Variants in DOCK5 observed in about 807,000 individuals in gnomAD.
The protein encoded by DOCK5 is dedicator of cytokinesis 5, also known as dedicator of cytokinesis protein 5.
DOCK5 carries 142 observed loss-of-function variants against 251.8 expected under a neutral mutation model. That is an observed-to-expected ratio of 0.56 (90% CI 0.49 to 0.65). The LOEUF is 0.65. DOCK5 is among the 30% of genes least tolerant of loss of function. DOCK5 has a pLI of 0.00. For missense variants in DOCK5, 2,111 were observed against 2,312.3 expected (o/e 0.91, Z 1.79); for synonymous variants, 842 against 835.5 (o/e 1.01, Z -0.13).
At chr8:25,285,361 G>C (rs552306376) in intron 5 of DOCK5, among the ~76,000 whole-genome samples, 46 of 152,256 alleles carry the variant, frequency 3.0e-4, no homozygotes, top group Admixed American at 6.5e-4. Context: ...GGCCAGGCTG[G>C]TCTCAAACTC....
chr8:25,249,350 T>G (rs1803206295), intron 2 of DOCK5, among the ~76,000 whole-genome samples: 1 of 152,140 alleles, frequency 6.6e-6, no homozygotes, highest in South Asian at 2.1e-4. Context: ...GAGATATAAT[T>G]CAAATACCAA....
At chr8:25,322,726 T>G (rs1805459086) in intron 16 of DOCK5, among the ~76,000 whole-genome samples, 1 of 152,240 alleles carries the variant, frequency 6.6e-6, no homozygotes, top group South Asian at 2.1e-4. Context: ...ATGGAGAGGT[T>G]AGGCACTTGC....
rs140215839 is a variant in DOCK5, at chr8:25,304,507, C to G, written c.1049+180C>G. The stretch of plus-strand genomic sequence containing the variant: ...ATTCAAAGTCCTTGATGTTGGACTC[C>G]CATTGAAGAGGGTAAACTGAACTTT... On this transcript the variant is annotated intron_variant, in intron 11 of 51. Coordinates refer to ENST00000276440, the MANE Select transcript of DOCK5 (RefSeq NM_024940.8). 2.4e-3 allele frequency: 1,276 copies of G among 534,222 alleles called. 9 individuals carry two copies. Among genetic ancestry groups the G allele is most frequent in the African/African-American group, 0.023 (1,171 of 51,046 alleles). The allele number at this position is 534,222 out of a possible 1,614,324, so 33.1% of individuals were successfully genotyped here. A position where few individuals can be genotyped will look rare whatever the true frequency, so the allele number is the denominator to read the frequency against.
intron 16 of DOCK5, among the ~76,000 whole-genome samples, chr8:25,321,363 T>A (rs1045054990): frequency 6.6e-6 from 1 of 152,010 alleles, no homozygotes; most frequent in South Asian, 2.1e-4. Flanking sequence ...GGACCAGGGG[T>A]GGGGTGATGG....
At chr8:25,381,627 CAA>C (rs771065292) in intron 39 of DOCK5, among the ~76,000 whole-genome samples, 4 of 115,734 alleles carry the variant, frequency 3.5e-5, no homozygotes, top group Non-Finnish European at 5.6e-5. Context: ...GACCCTGTCT[CAA>C]AAAAAAAAAA....
chr8:25,312,748 C>A (rs1002979952), intron 13 of DOCK5, among the ~76,000 whole-genome samples: 1 of 109,084 alleles, frequency 9.2e-6, no homozygotes, highest in Non-Finnish European at 1.7e-5. Flanking sequence ...GGCGACAGAA[C>A]AAGACTCCGT....
At chr8:25,367,170 A>G (rs556848435) in intron 31 of DOCK5, among the ~76,000 whole-genome samples, 200 bp downstream of exon 31, 2 of 152,176 alleles carry the variant, frequency 1.3e-5, no homozygotes, top group South Asian at 4.1e-4. Flanking sequence ...CCATCTTCCC[A>G]TCAGTCATCC....
At chr8:25,343,228 C>G (rs1174686496) in intron 25 of DOCK5, among the ~76,000 whole-genome samples, 1 of 151,586 alleles carries the variant, frequency 6.6e-6, no homozygotes, top group African/African-American at 2.4e-5. Flanking sequence ...AGGCTGGCCT[C>G]AAACTCCTGA....
At chr8:25,311,543 C>CA (rs775794833) in intron 13 of DOCK5, among the ~76,000 whole-genome samples, 8,944 of 98,284 alleles carry the variant, frequency 0.091, 576 homozygotes, top group African/African-American at 0.22. Context: ...AACTCTGTCT[C>CA]AAAAAAAAAA....
At chr8:25,320,487 A>T (rs528931499) in intron 15 of DOCK5, among the ~76,000 whole-genome samples, 2 of 152,166 alleles carry the variant, frequency 1.3e-5, no homozygotes, top group Non-Finnish European at 2.9e-5. Flanking sequence ...TCATGCCATG[A>T]TTTGACTGCA....
At chr8:25,265,835 G>T (rs1303390227) in intron 2 of DOCK5, among the ~76,000 whole-genome samples, 1 of 151,884 alleles carries the variant, frequency 6.6e-6, no homozygotes, top group African/African-American at 2.4e-5. Flanking sequence ...GACTGATGGA[G>T]ATTACTTGAG....
chr8:25,392,791 A>G lies in DOCK5; in HGVS notation c.4441-5A>G, dbSNP rs1441251463. On this transcript the variant is annotated splice_region_variant and splice_polypyrimidine_tract_variant and intron_variant, in intron 43 of 51. Transcript: ENST00000276440. ...AACATTTCATGTTTTCCTTCTTGCC[A>G]CCAGACGATGTGGATTGAACGGACC... 1.2e-6 allele frequency: 2 copies of G among 1,611,682 alleles called. No homozygotes were observed. The highest frequency in any genetic ancestry group is 1.7e-6 in the Non-Finnish European group (2 of 1,178,760).
intron 1 of DOCK5, among the ~76,000 whole-genome samples, chr8:25,234,848 A>G (rs1437037292): frequency 1.3e-5 from 2 of 152,242 alleles, no homozygotes; most frequent in East Asian, 1.9e-4. Flanking sequence ...TTCATTGTCC[A>G]TCAACCATTG....
At chr8:25,337,207 T>C (rs1379251892) in intron 22 of DOCK5, among the ~76,000 whole-genome samples, 1 of 152,166 alleles carries the variant, frequency 6.6e-6, no homozygotes, top group Non-Finnish European at 1.5e-5. Context: ...AAAAATTTCA[T>C]ACTATCAAAA....
rs989781440 is a variant in DOCK5 at position 25,376,356 on chromosome 8, T to C, written c.3817-949T>C. ...TTAAGTATAGTTCACATTTTGCTTATTGGTATAAGATCCCATCTTTATTAC... is the reference window on the plus strand; with the variant it reads ...TTAAGTATAGTTCACATTTTGCTTACTGGTATAAGATCCCATCTTTATTAC... On this transcript the variant is annotated intron_variant, in intron 37 of 51. Coordinates refer to ENST00000276440, the MANE Select transcript of DOCK5 (RefSeq NM_024940.8). 1.0e-4 allele frequency: 100 copies of C among 985,308 alleles called. No individual in the cohort carries two copies. In the Middle Eastern group the frequency reaches 2.1e-3, roughly 21 times the overall value. The allele number at this position is 985,308 out of a possible 1,614,324, so 61.0% of individuals were successfully genotyped here.
chr8:25,304,373 GC>G (rs1804846757), intron 11 of DOCK5, 46 bp downstream of exon 11: 2 of 1,510,382 alleles, frequency 1.3e-6, no homozygotes, highest in Non-Finnish European at 1.8e-6. Context: ...ACCTGGATTA[GC>G]CATTCAATTG....
intron 37 of DOCK5, chr8:25,375,768 C>G: frequency 1.0e-6 from 1 of 985,340 alleles, no homozygotes; most frequent in Non-Finnish European, 1.2e-6. Context: ...AAAGGAAATT[C>G]ACAATTCATA....
intron 19 of DOCK5, 29 bp downstream of exon 19, chr8:25,332,377 A>G: frequency 1.3e-6 from 2 of 1,531,652 alleles, no homozygotes; most frequent in Non-Finnish European, 1.8e-6. Context: ...AGTTAGAAAT[A>G]CACATACCTA....
In DOCK5 at chr8:25,408,830, A is replaced by G. The variant is rs1226418534; in HGVS notation, c.5294A>G (p.Lys1765Arg). The G allele has an allele frequency of 3.1e-6, 5 of 1,613,886 alleles. No homozygotes were observed. The Admixed American group carries it at 6.7e-5, about 22-fold the overall frequency. ...MSPTRKAQRPKSLQLMDNRLS... is the reference protein window; with the variant it reads ...MSPTRKAQRPRSLQLMDNRLS... The stretch of plus-strand genomic sequence containing the variant: ...CCAACCAGAAAAGCACAAAGGCCAA[A>G]GAGTCTCCAGTTGATGGATAATCGG... Residue 1765 changes from lysine to arginine, a missense_variant, in exon 50 of 52, where the codon AAG becomes AGG. Lys to Arg is a conservative substitution (Grantham distance 26). Coordinates refer to ENST00000276440, the MANE Select transcript of DOCK5 (RefSeq NM_024940.8).
Sources: gnomAD v4.1 joint callset for allele counts (sites outside exome capture counted in the v4.1 genomes callset) on GRCh38, gnomAD v4.1.1 for gene constraint, MANE v1.5 for transcripts, NCBI Gene and HGNC (gene_info 2026-07-23, HGNC 2026-07-21) for gene names.